ANKRD13C: variants seen among roughly 807,000 people sequenced by gnomAD.
ANKRD13C encodes the protein ankyrin repeat domain 13C.
Under a neutral mutation model 65.5 loss-of-function variants are expected in ANKRD13C, and 16 were observed. The ratio of observed to expected loss-of-function variants is 0.24; its 90% CI spans 0.17 to 0.37. The LOEUF (loss-of-function observed/expected upper bound fraction) is 0.37, where lower values mean the gene tolerates loss of function less well. Among genes scored for constraint, ANKRD13C ranks in the 10% least tolerant of loss-of-function variants. ANKRD13C has a pLI of 1.00. For missense variants in ANKRD13C, 503 were observed against 655.9 expected, an observed-to-expected ratio of 0.77 and a Z score of 2.55; for synonymous variants, 235 against 238.7, an observed-to-expected ratio of 0.98 and a Z score of 0.14.
chr1:70,336,009 G>T, intron 2 of ANKRD13C, 49 bp downstream of exon 2: 1 of 576,738 alleles, frequency 1.7e-6, no homozygotes, highest in South Asian at 2.9e-5. Flanking sequence ...ATTTTAAACT[G>T]ACTATATATA....
chr1:70,284,555 T>C lies in ANKRD13C; in HGVS notation c.1216-7711A>G, dbSNP rs189567550. 5.9e-5 allele frequency among the ~76,000 whole-genome samples: 9 copies of C among 152,244 alleles called. No homozygotes were observed. The East Asian group carries it at 9.6e-4, about 16-fold the overall frequency. ...GCTAAGACGTGTTAATACCTGAATA[T>C]ACAGAAAGAAGAAACTATAACAAAG... On this transcript the variant is annotated intron_variant, in intron 9 of 12. Coordinates refer to ENST00000370944, the MANE Select transcript of ANKRD13C (RefSeq NM_030816.5).
intron 2 of ANKRD13C, among the ~76,000 whole-genome samples, chr1:70,330,654 G>A (rs1484057773): frequency 1.3e-5 from 2 of 150,296 alleles, no homozygotes; most frequent in African/African-American, 4.9e-5. Flanking sequence ...GAGAACCAGT[G>A]AGAAAAATAG....
At chr1:70,330,504 G>A (rs1681737910) in intron 2 of ANKRD13C, among the ~76,000 whole-genome samples, 2 of 144,346 alleles carry the variant, frequency 1.4e-5, no homozygotes, top group South Asian at 4.3e-4. Context: ...GTTGCAGTGA[G>A]CAGAGATCAT....
rs1678342913 is a variant in ANKRD13C at position 70,260,244 on chromosome 1, C to T, written c.*2473G>A. ...CATACTACCCTTTTATGAAGTTTGG[C>T]AATTCTCTGTATGTGAATATCTACA... On this transcript the variant is annotated 3_prime_UTR_variant, in exon 13 of 13. Coordinates refer to ENST00000370944, the MANE Select transcript of ANKRD13C (RefSeq NM_030816.5). Among the ~76,000 whole-genome samples, 1 of 152,048 alleles carries T rather than the reference C, an allele frequency of 6.6e-6. No individual in the cohort carries two copies. The highest frequency in any genetic ancestry group is 2.4e-5 in the African/African-American group (1 of 41,420).
At chr1:70,317,188 A>T (rs898852440) in intron 3 of ANKRD13C, among the ~76,000 whole-genome samples, 6 of 152,300 alleles carry the variant, frequency 3.9e-5, no homozygotes, top group Admixed American at 1.3e-4. Context: ...AAAAGCCAAA[A>T]ATCAAAGAAC....
chr1:70,266,532 T>A (rs1343697193), intron 12 of ANKRD13C, among the ~76,000 whole-genome samples: 1 of 152,184 alleles, frequency 6.6e-6, no homozygotes, highest in Non-Finnish European at 1.5e-5. Context: ...TGCCTTTCCA[T>A]CCAAATTTTA....
At chr1:70,342,001 A>G (rs1682331052) in intron 1 of ANKRD13C, among the ~76,000 whole-genome samples, 1 of 151,766 alleles carries the variant, frequency 6.6e-6, no homozygotes, top group African/African-American at 2.4e-5. Flanking sequence ...TGCTAATTAC[A>G]TGTGTATGGG....
chr1:70,296,344 T>A (rs1371945775), intron 7 of ANKRD13C, 83 bp from the exon 8 acceptor site: 13 of 1,345,016 alleles, frequency 9.7e-6, no homozygotes, highest in Non-Finnish European at 1.2e-5. Flanking sequence ...TCAACAATTA[T>A]AATGGTACCA....
chr1:70,268,434 T>C (rs1267885554), intron 12 of ANKRD13C, among the ~76,000 whole-genome samples: 1 of 152,138 alleles, frequency 6.6e-6, no homozygotes, highest in Admixed American at 6.5e-5. Flanking sequence ...AGTGCTGGGA[T>C]TACAGGCGTC....
intron 1 of ANKRD13C, among the ~76,000 whole-genome samples, chr1:70,350,107 C>T (rs914371798): frequency 1.9e-4 from 29 of 150,224 alleles, no homozygotes; most frequent in African/African-American, 5.1e-4. Flanking sequence ...TGCACCACTG[C>T]ACTCCAACCT....
chr1:70,302,361 C>G (rs1680396041), intron 6 of ANKRD13C, among the ~76,000 whole-genome samples: 1 of 152,012 alleles, frequency 6.6e-6, no homozygotes, highest in African/African-American at 2.4e-5. Context: ...AGCTTTTAGT[C>G]CACTCCCAGA....
chr1:70,272,972 A>T (rs1678957619), intron 11 of ANKRD13C, among the ~76,000 whole-genome samples: 1 of 151,344 alleles, frequency 6.6e-6, no homozygotes, highest in South Asian at 2.1e-4. Flanking sequence ...TTGGCAACAG[A>T]GTGAGACTCT....
intron 1 of ANKRD13C, among the ~76,000 whole-genome samples, chr1:70,336,485 T>C (rs1304585029): frequency 6.6e-6 from 1 of 152,140 alleles, no homozygotes; most frequent in African/African-American, 2.4e-5. Context: ...TCGGAAAGTC[T>C]GCTGTTAGAG....
intron 1 of ANKRD13C, among the ~76,000 whole-genome samples, chr1:70,348,916 AT>A (rs1682638009): frequency 1.3e-5 from 2 of 152,260 alleles, no homozygotes; most frequent in East Asian, 3.9e-4. Context: ...TAAATCAGAA[AT>A]TTTTCACATC....
intron 1 of ANKRD13C, 54 bp from the exon 2 acceptor site, chr1:70,336,153 AT>A: frequency 2.0e-6 from 1 of 492,266 alleles, no homozygotes; most frequent in Non-Finnish European, 3.1e-6. Flanking sequence ...ACATAAGAAC[AT>A]TTACTTAAAA....
Position 70,354,083 on chromosome 1 carries a change from C to T in ANKRD13C, c.326G>A (p.Ser109Asn). 3 of 1,611,598 alleles carry T rather than the reference C, an allele frequency of 1.9e-6. No homozygotes were observed. Among genetic ancestry groups the T allele is most frequent in the Non-Finnish European group, 2.5e-6 (3 of 1,178,430 alleles). The change falls in exon 1 of 13, where the codon AGT (serine) becomes AAT (asparagine). Residue 109 changes from serine to asparagine, a missense_variant. By Grantham distance (46) the Ser-to-Asn change is conservative. Coordinates refer to ENST00000370944, the MANE Select transcript of ANKRD13C (RefSeq NM_030816.5). ...NPVAVVADGG[S>N]CPAHYPVHEC... ...GTGCACCGGGTAGTGTGCGGGGCAA[C>T]TGCCTCCATCCGCGACGACAGCAAC...
At chr1:70,282,704 A>G (rs1290191180) in intron 9 of ANKRD13C, among the ~76,000 whole-genome samples, 1 of 152,242 alleles carries the variant, frequency 6.6e-6, no homozygotes, top group Non-Finnish European at 1.5e-5. Context: ...ATTAGGTAAA[A>G]TAGTATCTAG....
chr1:70,324,562 AT>A (rs1011740517), intron 3 of ANKRD13C, among the ~76,000 whole-genome samples: 5 of 151,718 alleles, frequency 3.3e-5, no homozygotes, highest in Admixed American at 6.6e-5. Context: ...TCAGGTATCA[AT>A]TTTTTTTTAA....
chr1:70,320,393 G>A (rs1681255569), intron 3 of ANKRD13C, among the ~76,000 whole-genome samples: 1 of 151,960 alleles, frequency 6.6e-6, no homozygotes, highest in African/African-American at 2.4e-5. Context: ...GAGTGCAGTG[G>A]CACAATGTCA....
Sources: gnomAD v4.1 joint callset for allele counts (sites outside exome capture counted in the v4.1 genomes callset) on GRCh38, gnomAD v4.1.1 for gene constraint, MANE v1.5 for transcripts, NCBI Gene and HGNC (gene_info 2026-07-23, HGNC 2026-07-21) for gene names.